The following SLC38A8 variants were observed in gnomAD, a reference collection of about 807,000 sequenced individuals.
SLC38A8 encodes the protein amino acid transporter SLC38A8.
Under a neutral mutation model 46.0 loss-of-function variants are expected in SLC38A8, and 65 were observed. That is an observed-to-expected ratio of 1.41 (90% CI 1.16 to 1.74). SLC38A8 has a LOEUF of 1.74. SLC38A8 is among the 40% of genes most tolerant of loss of function. The pLI is 0.00. For missense variants in SLC38A8, 998 were observed against 567.9 expected (o/e 1.76, Z -7.70); for synonymous variants, 447 against 243.7 (o/e 1.83, Z -7.77).
chr16:84,033,346 G>C lies in SLC38A8; in HGVS notation c.512C>G (p.Ala171Gly), dbSNP rs778963615. Residue 171 changes from alanine (A) to glycine (G), a missense_variant, in exon 4 of 11, where the codon GCC (alanine) becomes GGC (glycine). Transcript: ENST00000299709. ...ILPLSAPREI[A>G]FQKYTSILGT... ...CCCTTACCTTGTGTATTTCTGGAAG[G>C]CGATCTCCCGCGGGGCAGACAGGGG... 2 of 1,613,944 alleles carry C rather than the reference G, an allele frequency of 1.2e-6. No individual in the cohort carries two copies. The highest frequency in any genetic ancestry group is 3.3e-5 in the Admixed American group (2 of 59,992).
At chr16:84,014,366 T>C (rs1399298231) in intron 9 of SLC38A8, among the ~76,000 whole-genome samples, 2 of 130,832 alleles carry the variant, frequency 1.5e-5, no homozygotes, top group African/African-American at 3.0e-5. Flanking sequence ...GAGGGAGGAG[T>C]CGTGTGGCCA....
In SLC38A8 at chr16:84,022,689, T is replaced by C; in HGVS notation, c.805+86A>G. 3 of 1,046,238 alleles carry C rather than the reference T, an allele frequency of 2.9e-6. No homozygotes were observed. In the South Asian group the frequency reaches 4.1e-5, roughly 14 times the overall value. The allele number at this position is 1,046,238 out of a possible 1,614,324, so 64.8% of individuals were successfully genotyped here. A position where few individuals can be genotyped will look rare whatever the true frequency, so the allele number is the denominator to read the frequency against. ...ATTGAGTATTGAGCCCAGCACGTGG[T>C]AAACTCTCTAGAGAGATACTCGCTG... On this transcript the variant is annotated intron_variant, in intron 7 of 10. Transcript: ENST00000299709.
At chr16:84,026,751 G>C (rs1018055914) in intron 6 of SLC38A8, among the ~76,000 whole-genome samples, 1 of 152,216 alleles carries the variant, frequency 6.6e-6, no homozygotes, top group African/African-American at 2.4e-5. Context: ...CTACAACATG[G>C]ATGAATCCCA....
At chr16:84,026,435 C>T (rs181554772) in intron 6 of SLC38A8, among the ~76,000 whole-genome samples, 113 of 152,304 alleles carry the variant, frequency 7.4e-4, no homozygotes, top group African/African-American at 2.5e-3. Context: ...CCATGTTGGC[C>T]AGGCTGGTCT....
chr16:84,023,261 A>G (rs139577908), intron 6 of SLC38A8, among the ~76,000 whole-genome samples: 1 of 152,224 alleles, frequency 6.6e-6, no homozygotes, highest in Non-Finnish European at 1.5e-5. Flanking sequence ...AACTGAGGCT[A>G]GTTTAGATTG....
At chr16:84,010,067 ATTT>A (rs397855804) in intron 10 of SLC38A8, among the ~76,000 whole-genome samples, 190 bp from the exon 11 acceptor site, 3 of 111,928 alleles carry the variant, frequency 2.7e-5, no homozygotes, top group African/African-American at 7.6e-5. Context: ...TACCCAGGCA[ATTT>A]TTTTTTTTTT....
intron 6 of SLC38A8, among the ~76,000 whole-genome samples, chr16:84,023,771 G>A (rs1286033590): frequency 6.6e-6 from 1 of 152,224 alleles, no homozygotes; most frequent in African/African-American, 2.4e-5. Context: ...ATGAGCACCT[G>A]TAATCCCAGC....
chr16:84,042,160 C>A lies in SLC38A8; in HGVS notation c.-2-1G>T. ...CTTCCTGGGGTCTGTCCCTCCATGGCTAGAGGCGGCAGAGGGGTGGAGAGA... is the reference window on the plus strand; with the variant it reads ...CTTCCTGGGGTCTGTCCCTCCATGGATAGAGGCGGCAGAGGGGTGGAGAGA... On this transcript the variant is annotated splice_acceptor_variant, in intron 1 of 10. Transcript: ENST00000299709. LOFTEE classifies it low-confidence loss of function (5UTR_SPLICE). 1 of 1,607,200 alleles carries A rather than the reference C, an allele frequency of 6.2e-7. No individual in the cohort carries two copies. The highest frequency in any genetic ancestry group is 8.5e-7 in the Non-Finnish European group (1 of 1,177,186).
chr16:84,011,071 C>T (rs1597245039), intron 10 of SLC38A8, among the ~76,000 whole-genome samples: 1 of 152,174 alleles, frequency 6.6e-6, no homozygotes, highest in Admixed American at 6.5e-5. Context: ...ACCAGAAGGC[C>T]GGGTTGTCAT....
At position 84,035,443 on chromosome 16, in the gene SLC38A8, C is replaced by T. The variant is rs997373435; in HGVS notation, c.388+1259G>A. On this transcript the variant is annotated intron_variant, in intron 3 of 10. Coordinates refer to ENST00000299709, the MANE Select transcript of SLC38A8 (RefSeq NM_001080442.3). ...GGTACACTAAATTTCACCCTATCAA[C>T]AATCACATGCCAATTAAAAGTCTAA... is the stretch of plus-strand genomic sequence containing the variant. Among the ~76,000 whole-genome samples the T allele has an allele frequency of 1.4e-4, 21 of 152,316 alleles. No individual in the cohort carries two copies. The East Asian group carries it at 3.7e-3, about 27-fold the overall frequency.
chr16:84,042,342 C>G (rs1053416160), intron 1 of SLC38A8, among the ~76,000 whole-genome samples, 183 bp from the exon 2 acceptor site: 3 of 152,148 alleles, frequency 2.0e-5, no homozygotes, highest in Admixed American at 2.0e-4. Flanking sequence ...CTTCTAGTCC[C>G]CCTTCGTCTC....
rs746728263 is a variant in SLC38A8 at position 84,017,197 on chromosome 16, C to A, written c.896G>T (p.Arg299Leu). ...TACGATGGAGACAGCAAAAAGGACC[C>A]GGGCCACAATGATGACCATATCATT... Reference protein sequence around the residue: ...PGNDMVIIVARVLFAVSIVTV... With the variant: ...PGNDMVIIVALVLFAVSIVTV... Residue 299 changes from arginine (R) to leucine (L), a missense_variant, in exon 8 of 11, where the codon CGG becomes CTG. Transcript: ENST00000299709. 6.2e-6 allele frequency: 10 copies of A among 1,613,944 alleles called. No individual in the cohort carries two copies. In the African/African-American group the frequency reaches 6.7e-5, roughly 11 times the overall value.
At chr16:84,029,909 A>T (rs949157223) in intron 5 of SLC38A8, among the ~76,000 whole-genome samples, 1 of 152,180 alleles carries the variant, frequency 6.6e-6, no homozygotes, top group African/African-American at 2.4e-5. Context: ...CCACCCAGTG[A>T]TCCCAAATAG....
intron 9 of SLC38A8, among the ~76,000 whole-genome samples, chr16:84,013,424 G>GTTTTTTTTT (rs1221293803): frequency 2.5e-4 from 16 of 64,042 alleles, no homozygotes; most frequent in East Asian, 9.3e-4. Flanking sequence ...TTGTGTGTGT[G>GTTTTTTTTT]TTTTTTTTTT....
In SLC38A8 at chr16:84,015,561, C is replaced by T. The variant is rs759155522; in HGVS notation, c.1162+958G>A. ...GATTGACCCTCAGCCCTGCTGCATA[C>T]TAGCTGTGCCCCCGGCGGGGGTTCA... On this transcript the variant is annotated intron_variant, in intron 9 of 10. Coordinates refer to ENST00000299709, the MANE Select transcript of SLC38A8 (RefSeq NM_001080442.3). Among the ~76,000 whole-genome samples the T allele has an allele frequency of 2.3e-4, 17 of 73,692 alleles. No homozygotes were observed. In the Middle Eastern group the frequency reaches 0.019, roughly 83 times the overall value. 48.3% of individuals were successfully genotyped at this position (73,692 alleles called of 152,430 possible).
chr16:84,014,146 G>A (rs554515295), intron 9 of SLC38A8, among the ~76,000 whole-genome samples: 3 of 151,892 alleles, frequency 2.0e-5, no homozygotes, highest in South Asian at 2.1e-4. Flanking sequence ...GCCTGAGGGA[G>A]GAGCTATGTG....
chr16:84,014,301 C>A (rs2084997072), intron 9 of SLC38A8, among the ~76,000 whole-genome samples: 1 of 148,880 alleles, frequency 6.7e-6, no homozygotes, highest in Non-Finnish European at 1.5e-5. Context: ...CGCCCACAGC[C>A]TGAATAAGGA....
chr16:84,023,816 T>C (rs1483786761), intron 6 of SLC38A8, among the ~76,000 whole-genome samples: 1 of 152,134 alleles, frequency 6.6e-6, no homozygotes, highest in Non-Finnish European at 1.5e-5. Context: ...ATCACTGGAA[T>C]TCGGGAGGCG....
At position 84,014,474 on chromosome 16, in the gene SLC38A8, C is replaced by A. The variant is rs554271359; in HGVS notation, c.1163-1422G>T. 1.4e-4 allele frequency among the ~76,000 whole-genome samples: 21 copies of A among 151,910 alleles called. No homozygotes were observed. The East Asian group carries it at 3.5e-3, about 25-fold the overall frequency. ...GCCCTGCCCAGAGTCGAGGGAGGAG[C>A]TGTATAGCCACACCCTCACCTGTGA... On this transcript the variant is annotated intron_variant, in intron 9 of 10. Transcript: ENST00000299709.
Sources: allele counts gnomAD v4.1 joint callset (sites outside exome capture counted in the v4.1 genomes callset), GRCh38; gene constraint gnomAD v4.1.1; transcripts MANE v1.5; gene names NCBI Gene and HGNC (gene_info 2026-07-23, HGNC 2026-07-21).